ANKRD30B: variants seen among roughly 807,000 people sequenced by gnomAD.
ANKRD30B encodes ankyrin repeat domain-containing protein 30B.
A neutral mutation model predicts 202.2 loss-of-function variants in ANKRD30B; 144 were observed. The observed-to-expected ratio is 0.71, with a 90% CI of 0.62 to 0.82. ANKRD30B has a LOEUF of 0.82. Ranked by LOEUF, ANKRD30B falls within the 40% of genes least tolerant of loss-of-function variation. The pLI, the probability that ANKRD30B is intolerant of heterozygous loss-of-function variation, is 0.00. For synonymous variants in ANKRD30B, 508 were observed against 561.3 expected, an observed-to-expected ratio of 0.91 and a Z score of 1.34; for missense variants, 1,487 against 1,669.1, an observed-to-expected ratio of 0.89 and a Z score of 1.90.
the ANKRD30B span, among the ~76,000 whole-genome samples, chr18:14,868,551 A>T: frequency 2.1e-4 from 32 of 152,202 alleles, no homozygotes; most frequent in African/African-American, 7.7e-4. Context: ...TGTTGGAGGG[A>T]GTTCACCAAG....
the ANKRD30B span, among the ~76,000 whole-genome samples, chr18:14,905,182 C>T: frequency 6.6e-6 from 1 of 152,200 alleles, no homozygotes; most frequent in Non-Finnish European, 1.5e-5. Context: ...GTATATCATC[C>T]AGAAATAACC....
At position 14,756,809 on chromosome 18, in the gene ANKRD30B, T is replaced by C. The variant is rs557660612; in HGVS notation, c.618-1006T>C. Among the ~76,000 whole-genome samples the C allele has an allele frequency of 1.6e-4, 24 of 152,268 alleles. No individual in the cohort carries two copies. The South Asian group carries it at 4.8e-3, about 30-fold the overall frequency. ...CAGGGGACTGAGGCACGAGAATCGC[T>C]TGAACCCAGAAGGCAGAGGTTGCAG... On this transcript the variant is annotated intron_variant, in intron 4 of 43. Transcript: ENST00000690538.
At position 14,799,304 on chromosome 18, in the gene ANKRD30B, T is replaced by G. The variant is rs758686908; in HGVS notation, c.2131+9T>G. ...AGAAACATTCAAAGCAGGTAAATTT[T>G]GCAATTTTAATTTTACTCTGGAATT... On this transcript the variant is annotated intron_variant, in intron 22 of 43. Coordinates refer to ENST00000690538, the MANE Select transcript of ANKRD30B (RefSeq NM_001367607.2). 382 of 1,519,294 alleles carry G rather than the reference T, an allele frequency of 2.5e-4. 4 individuals are homozygous for G. Among genetic ancestry groups the G allele is most frequent in the Middle Eastern group, 1.4e-3 (6 of 4,220 alleles). 94.1% of individuals were successfully genotyped at this position (1,519,294 alleles called of 1,614,324 possible). A position where few individuals can be genotyped will look rare whatever the true frequency, so the allele number is the denominator to read the frequency against.
chr18:14,763,516 C>T (rs982057823), intron 6 of ANKRD30B, among the ~76,000 whole-genome samples, 170 bp from the exon 7 acceptor site: 2 of 152,042 alleles, frequency 1.3e-5, no homozygotes, highest in African/African-American at 2.4e-5. Context: ...TGCCACTGCA[C>T]TCTAGCCTGG....
chr18:14,809,916 A>C, intron 26 of ANKRD30B, 70 bp from the exon 27 acceptor site: 3 of 1,289,348 alleles, frequency 2.3e-6, no homozygotes, highest in Non-Finnish European at 3.3e-6. Flanking sequence ...TCATATTCAC[A>C]CTCTATGAAC....
At chr18:14,883,369 G>C in the ANKRD30B span, among the ~76,000 whole-genome samples, 6,459 of 84,182 alleles carry the variant, frequency 0.077, 248 homozygotes, top group Middle Eastern at 0.095. Flanking sequence ...CTGTCTGTCT[G>C]TCTCTCTCTC....
chr18:14,773,015 AG>A (rs1319778857), intron 9 of ANKRD30B, among the ~76,000 whole-genome samples: 1 of 152,164 alleles, frequency 6.6e-6, no homozygotes, highest in African/African-American at 2.4e-5. Flanking sequence ...TGTATTATTA[AG>A]GCATGCCAGT....
chr18:14,913,665 A>G, the ANKRD30B span, among the ~76,000 whole-genome samples: 1 of 152,160 alleles, frequency 6.6e-6, no homozygotes, highest in African/African-American at 2.4e-5. Flanking sequence ...AACTATTTGT[A>G]TCAACATTTC....
At chr18:14,862,881 G>T in the ANKRD30B span, among the ~76,000 whole-genome samples, 3 of 152,372 alleles carry the variant, frequency 2.0e-5, no homozygotes, top group African/African-American at 7.2e-5. Flanking sequence ...TTTGGAGCTT[G>T]AAGGTTTTAT....
the ANKRD30B span, among the ~76,000 whole-genome samples, chr18:14,894,205 T>G: frequency 1.3e-5 from 2 of 152,220 alleles, no homozygotes; most frequent in East Asian, 3.8e-4. Flanking sequence ...TAAACCTGTA[T>G]CACACTTGGA....
At chr18:14,799,659 T>A (rs1469124216) in intron 22 of ANKRD30B, among the ~76,000 whole-genome samples, 4 of 152,140 alleles carry the variant, frequency 2.6e-5, no homozygotes, top group Admixed American at 2.0e-4. Context: ...GAGGAAAGTT[T>A]CACTTGCTGA....
chr18:14,859,989 C>G, the ANKRD30B span, among the ~76,000 whole-genome samples: 1 of 139,642 alleles, frequency 7.2e-6, no homozygotes, highest in Non-Finnish European at 1.5e-5. Flanking sequence ...AGGCGCTCCC[C>G]ACTTCCCAGA....
chr18:14,844,680 G>C (rs776057650), intron 39 of ANKRD30B, among the ~76,000 whole-genome samples: 3 of 152,160 alleles, frequency 2.0e-5, no homozygotes, highest in African/African-American at 2.4e-5. Flanking sequence ...CAATGGTTGA[G>C]CGAGTTTACA....
intron 8 of ANKRD30B, among the ~76,000 whole-genome samples, chr18:14,771,151 G>A (rs913435639): frequency 2.2e-4 from 34 of 152,204 alleles, no homozygotes; most frequent in African/African-American, 7.7e-4. Flanking sequence ...AGGAACAGGT[G>A]AATACAGAAC....
chr18:14,770,833 C>A (rs1966951521), intron 8 of ANKRD30B, among the ~76,000 whole-genome samples: 1 of 151,798 alleles, frequency 6.6e-6, no homozygotes, highest in African/African-American at 2.4e-5. Flanking sequence ...AAAAAAGAGC[C>A]ACTGGGAAAG....
At chr18:14,782,791 G>C (rs542599770) in intron 12 of ANKRD30B, among the ~76,000 whole-genome samples, 177 bp downstream of exon 12, 4 of 152,156 alleles carry the variant, frequency 2.6e-5, no homozygotes, top group Admixed American at 2.6e-4. Context: ...AATATATAGA[G>C]AGTGCAAGAA....
chr18:14,752,458 T>C (rs1387009165), intron 1 of ANKRD30B, 108 bp from the exon 2 acceptor site: 2 of 745,482 alleles, frequency 2.7e-6, no homozygotes, highest in African/African-American at 3.6e-5. Flanking sequence ...AATATTTGTT[T>C]TGAAGGTAGA....
At position 14,814,655 on chromosome 18, in the gene ANKRD30B, G is replaced by T. The variant is rs754034974; in HGVS notation, c.2585G>T (p.Cys862Phe). 24 of 1,147,152 alleles carry T rather than the reference G, an allele frequency of 2.1e-5. No individual in the cohort carries two copies. The highest frequency in any genetic ancestry group is 2.6e-5 in the Non-Finnish European group (21 of 817,926). The allele number at this position is 1,147,152 out of a possible 1,614,324, so 71.1% of individuals were successfully genotyped here. Residue 862 changes from cysteine (C) to phenylalanine (F), a missense_variant, in exon 30 of 44, where the codon TGT becomes TTT. Cys to Phe is a radical substitution (Grantham distance 205). This residue lies in a region of ANKRD30B where 218 missense variants were observed against 320.1 expected (regional missense o/e 0.68). Coordinates refer to ENST00000690538, the MANE Select transcript of ANKRD30B (RefSeq NM_001367607.2). The stretch of plus-strand genomic sequence containing the variant: ...GAGGCTCTCTTACAGAATGATGGGT[G>T]TTTACCCAAGGCTACACATCAAAAA... The part of the protein sequence containing the change: ...FLEALLQNDG[C>F]LPKATHQKEF...
At chr18:14,915,787 C>T in the ANKRD30B span, among the ~76,000 whole-genome samples, 7 of 152,138 alleles carry the variant, frequency 4.6e-5, no homozygotes, top group Admixed American at 1.3e-4. Flanking sequence ...TGTCCTGATA[C>T]GTAGATATAG....
Sources: gnomAD v4.1 joint callset for allele counts (sites outside exome capture counted in the v4.1 genomes callset) on GRCh38, gnomAD v4.1.1 for gene constraint, gnomAD v4.1.1 regional missense constraint, MANE v1.5 for transcripts, NCBI Gene and HGNC (gene_info 2026-07-23, HGNC 2026-07-21) for gene names.